KANSL1: variants seen among roughly 807,000 people sequenced by gnomAD.
KANSL1 encodes MLL1/MLL complex subunit KANSL1.
KANSL1 carries 22 observed loss-of-function variants against 103.6 expected under a neutral mutation model. That is an observed-to-expected ratio of 0.21 (90% CI 0.15 to 0.30). The LOEUF is 0.30. KANSL1 is among the 10% of genes least tolerant of loss of function. The pLI is 1.00. For synonymous variants in KANSL1, 600 were observed against 527.6 expected, an observed-to-expected ratio of 1.14 and a Z score of -1.88; for missense variants, 1,337 against 1,399.8, an observed-to-expected ratio of 0.96 and a Z score of 0.72.
chr17:46,212,495 G>A (rs1345913943), intron 1 of KANSL1, among the ~76,000 whole-genome samples: 6 of 152,070 alleles, frequency 3.9e-5, no homozygotes, highest in East Asian at 1.9e-4. Flanking sequence ...CTGGAATTAC[G>A]GGCATGAGCC....
At chr17:46,197,871 T>C (rs188015467), upstream of KANSL1, among the ~76,000 whole-genome samples, 1 of 152,372 alleles carries the variant, frequency 6.6e-6, no homozygotes, top group African/African-American at 2.4e-5. Context: ...ACAGACCTTC[T>C]AAACAAGCCA....
intron 3 of KANSL1, among the ~76,000 whole-genome samples, chr17:46,083,007 C>A (rs1052453551): frequency 3.1e-4 from 47 of 152,180 alleles, no homozygotes; most frequent in African/African-American, 1.1e-3. Flanking sequence ...TGGAACAGTC[C>A]CCTACAATTT....
chr17:46,186,661 G>C (rs543863547), intron 1 of KANSL1, among the ~76,000 whole-genome samples: 1 of 152,364 alleles, frequency 6.6e-6, no homozygotes, highest in South Asian at 2.1e-4. Flanking sequence ...AAGAGCTTCA[G>C]TTCTCCATGG....
At chr17:46,191,551 T>C (rs1442150107) in intron 1 of KANSL1, among the ~76,000 whole-genome samples, 1 of 152,254 alleles carries the variant, frequency 6.6e-6, no homozygotes, top group African/African-American at 2.4e-5. Flanking sequence ...TTTCCATACT[T>C]GAAAGGACTT....
intron 1 of KANSL1, among the ~76,000 whole-genome samples, chr17:46,178,274 A>C (rs2147806994): frequency 6.6e-6 from 1 of 152,370 alleles, no homozygotes. Context: ...TTCTACACAA[A>C]CAGCACAACA....
chr17:46,225,112 G>T (rs1312259928), upstream of KANSL1, among the ~76,000 whole-genome samples: 1 of 151,840 alleles, frequency 6.6e-6, no homozygotes, highest in African/African-American at 2.4e-5. Context: ...CTGGGCGGGG[G>T]TCCCCGTGCC....
chr17:46,201,087 T>A (rs1317250316), intron 1 of KANSL1, among the ~76,000 whole-genome samples: 1 of 152,150 alleles, frequency 6.6e-6, no homozygotes, highest in Non-Finnish European at 1.5e-5. Flanking sequence ...AATCTTTGTA[T>A]TTTTAGTAGA....
At chr17:46,108,071 G>C (rs1049276363) in intron 2 of KANSL1, among the ~76,000 whole-genome samples, 2 of 152,130 alleles carry the variant, frequency 1.3e-5, no homozygotes, top group Non-Finnish European at 2.9e-5. Context: ...ATATTATCAT[G>C]AACATAGCAG....
intron 1 of KANSL1, among the ~76,000 whole-genome samples, chr17:46,177,939 A>C (rs550794040): frequency 3.9e-5 from 6 of 152,140 alleles, no homozygotes; most frequent in Non-Finnish European, 7.3e-5. Context: ...CACCACGCCC[A>C]GCTAGTTTTT....
chr17:46,051,343 C>T (rs2077705430), intron 6 of KANSL1, among the ~76,000 whole-genome samples: 1 of 152,210 alleles, frequency 6.6e-6, no homozygotes, highest in Admixed American at 6.5e-5. Flanking sequence ...TTTTGTACAG[C>T]AAATGCTCAC....
intron 2 of KANSL1, among the ~76,000 whole-genome samples, chr17:46,138,622 T>C (rs2044270075): frequency 6.6e-6 from 1 of 152,256 alleles, no homozygotes; most frequent in South Asian, 2.1e-4. Flanking sequence ...GTCCCAAACA[T>C]TTCACATCAG....
upstream of KANSL1, chr17:46,196,033 G>A (rs558373741): frequency 8.5e-5 from 20 of 235,488 alleles, no homozygotes; most frequent in South Asian, 6.6e-4. Context: ...CTTGAGCTCC[G>A]GAGTTAGAGA....
chr17:46,211,486 C>CTG (rs2048169305), intron 1 of KANSL1, among the ~76,000 whole-genome samples: 1 of 152,244 alleles, frequency 6.6e-6, no homozygotes. Context: ...CGCATGCAGC[C>CTG]TGTGGGCCAT....
At chr17:46,114,128 A>G (rs944947328) in intron 2 of KANSL1, among the ~76,000 whole-genome samples, 2 of 152,220 alleles carry the variant, frequency 1.3e-5, no homozygotes, top group Non-Finnish European at 2.9e-5. Context: ...TGGGAGGCCG[A>G]GTAGGGCAGA....
chr17:46,070,130 A>C (rs2146691730), intron 4 of KANSL1, among the ~76,000 whole-genome samples: 1 of 152,342 alleles, frequency 6.6e-6, no homozygotes, highest in Non-Finnish European at 1.5e-5. Flanking sequence ...CTAAAGGAGT[A>C]ACTCAACAAA....
intron 6 of KANSL1, among the ~76,000 whole-genome samples, chr17:46,059,034 G>C (rs1408308646): frequency 6.9e-6 from 1 of 145,590 alleles, no homozygotes; most frequent in Non-Finnish European, 1.5e-5. Context: ...GCAACAGAGC[G>C]AGACTCCATC....
intron 1 of KANSL1, among the ~76,000 whole-genome samples, chr17:46,175,825 A>G (rs1226801612): frequency 6.6e-6 from 1 of 152,236 alleles, no homozygotes; most frequent in East Asian, 1.9e-4. Context: ...AACTTTAAAT[A>G]TAATACTAAT....
chr17:46,062,820 C>T lies in KANSL1; in HGVS notation c.1848+3717G>A, dbSNP rs527688072. ...ATCCCAGCACTTTGGGAGGCCGAGG[C>T]GGGTGGATCACTTGAGGTCAGGAGT... On this transcript the variant is annotated intron_variant, in intron 6 of 14. Transcript: ENST00000432791. Among the ~76,000 whole-genome samples, 9 of 151,758 alleles carry T rather than the reference C, an allele frequency of 5.9e-5. No homozygotes were observed. The South Asian group carries it at 8.4e-4, about 14-fold the overall frequency.
At chr17:46,048,442 C>T (rs1338600033) in intron 7 of KANSL1, among the ~76,000 whole-genome samples, 3 of 151,946 alleles carry the variant, frequency 2.0e-5, no homozygotes, top group Non-Finnish European at 4.4e-5. Context: ...TGGTGGCATA[C>T]GACTGTAGTC....
Sources: gnomAD v4.1 joint callset for allele counts (sites outside exome capture counted in the v4.1 genomes callset) on GRCh38, gnomAD v4.1.1 for gene constraint, MANE v1.5 for transcripts, NCBI Gene and HGNC (gene_info 2026-07-23, HGNC 2026-07-21) for gene names.